RALYL: variants seen among roughly 807,000 people sequenced by gnomAD.
RALYL encodes RNA-binding Raly-like protein.
In RALYL, 29 loss-of-function variants were observed where a neutral mutation model predicts 35.1. The ratio of observed to expected loss-of-function variants is 0.83; its 90% confidence interval spans 0.61 to 1.13. RALYL has a LOEUF of 1.13. Among genes scored for constraint, RALYL ranks in the 50% most tolerant of loss-of-function variants. The pLI is 0.00. For missense variants in RALYL, 359 were observed against 360.4 expected (o/e 1.00, Z 0.03); for synonymous variants, 120 against 127.6 (o/e 0.94, Z 0.40).
chr8:84,600,356 T>A (rs896275539), intron 2 of RALYL, among the ~76,000 whole-genome samples: 2 of 152,116 alleles, frequency 1.3e-5, no homozygotes, highest in African/African-American at 4.8e-5. Flanking sequence ...GACAAATCAC[T>A]GATTGTGAGC....
At chr8:84,625,236 T>G (rs1329345986) in intron 2 of RALYL, among the ~76,000 whole-genome samples, 1 of 152,154 alleles carries the variant, frequency 6.6e-6, no homozygotes, top group Admixed American at 6.5e-5. Context: ...TGGGGCTAAT[T>G]GGGATGATGG....
intron 1 of RALYL, among the ~76,000 whole-genome samples, chr8:84,451,967 C>T (rs2049527017): frequency 6.6e-6 from 1 of 151,898 alleles, no homozygotes; most frequent in Non-Finnish European, 1.5e-5. Context: ...TAAAGGGCAG[C>T]CCTGATATTT....
chr8:84,784,877 A>T (rs771615284), intron 3 of RALYL, among the ~76,000 whole-genome samples: 1 of 152,214 alleles, frequency 6.6e-6, no homozygotes, highest in African/African-American at 2.4e-5. Flanking sequence ...TTAGAAGTTA[A>T]TTAACTGTTA....
chr8:84,902,600 A>G (rs754600475), intron 8 of RALYL, among the ~76,000 whole-genome samples: 8 of 152,074 alleles, frequency 5.3e-5, no homozygotes, highest in Non-Finnish European at 8.8e-5. Flanking sequence ...CCAAATAGAC[A>G]CTCTAAAAAT....
At chr8:84,797,760 G>A (rs1822286522) in intron 3 of RALYL, among the ~76,000 whole-genome samples, 1 of 152,194 alleles carries the variant, frequency 6.6e-6, no homozygotes, top group Admixed American at 6.5e-5. Context: ...ATCGACTTTA[G>A]TGGAGAATGT....
intron 2 of RALYL, among the ~76,000 whole-genome samples, chr8:84,588,681 C>T (rs1170582278): frequency 6.6e-6 from 1 of 152,078 alleles, no homozygotes; most frequent in African/African-American, 2.4e-5. Flanking sequence ...CTGGAAAAAC[C>T]AAAAGAAATA....
At chr8:84,841,565 A>C (rs1376858952) in intron 4 of RALYL, among the ~76,000 whole-genome samples, 1 of 152,216 alleles carries the variant, frequency 6.6e-6, no homozygotes, top group Non-Finnish European at 1.5e-5. Context: ...TCAACGAGAC[A>C]GAAAGTTAAC....
At chr8:84,690,088 C>T (rs7840925) in intron 2 of RALYL, among the ~76,000 whole-genome samples, 46,279 of 151,914 alleles carry the variant, frequency 0.3, 8,090 homozygotes, top group African/African-American at 0.48. Context: ...CTGTTCATTG[C>T]AGCATTATTC....
intron 2 of RALYL, among the ~76,000 whole-genome samples, chr8:84,597,449 C>T (rs1193414319): frequency 1.3e-5 from 2 of 152,082 alleles, no homozygotes; most frequent in East Asian, 1.9e-4. Flanking sequence ...GCTTTACTCC[C>T]AATATCCTTG....
intron 1 of RALYL, among the ~76,000 whole-genome samples, chr8:84,217,168 A>C (rs1202359329): frequency 6.6e-6 from 1 of 152,078 alleles, no homozygotes. Flanking sequence ...CTCTTTCAAA[A>C]CTGTGATCCA....
intron 1 of RALYL, among the ~76,000 whole-genome samples, chr8:84,364,893 T>A (rs1245507827): frequency 6.6e-6 from 1 of 152,146 alleles, no homozygotes. Context: ...AAGTTTACCT[T>A]CAATGAGGTA....
intron 3 of RALYL, among the ~76,000 whole-genome samples, chr8:84,791,359 A>G (rs1445609600): frequency 6.6e-6 from 1 of 152,004 alleles, no homozygotes; most frequent in East Asian, 1.9e-4. Flanking sequence ...TCTAGAGAAA[A>G]CTCACAAAAC....
intron 2 of RALYL, among the ~76,000 whole-genome samples, chr8:84,653,126 T>C (rs1441092789): frequency 1.3e-5 from 2 of 152,028 alleles, no homozygotes; most frequent in Admixed American, 1.3e-4. Flanking sequence ...ATATTAGAAA[T>C]TTATGCATGC....
At chr8:84,334,911 T>C (rs892505867) in intron 1 of RALYL, among the ~76,000 whole-genome samples, 1 of 152,168 alleles carries the variant, frequency 6.6e-6, no homozygotes, top group Non-Finnish European at 1.5e-5. Context: ...CTTATCCATC[T>C]CAAGCCTACT....
chr8:84,416,504 C>A (rs2044717620), intron 1 of RALYL, among the ~76,000 whole-genome samples: 1 of 151,980 alleles, frequency 6.6e-6, no homozygotes, highest in Non-Finnish European at 1.5e-5. Flanking sequence ...GGTGTTGGCA[C>A]TTTCAAGGAA....
chr8:84,504,619 G>A lies in RALYL; in HGVS notation c.-23-24680G>A, dbSNP rs370279826. 1.4e-4 allele frequency among the ~76,000 whole-genome samples: 21 copies of A among 152,138 alleles called. 2 individuals carry two copies. The South Asian group carries it at 3.9e-3, about 29-fold the overall frequency. ...ATCAAATAATATTTTATCTCTTATA[G>A]GAAAAAGGCAAGATTTAAAAAGAAT... On this transcript the variant is annotated intron_variant, in intron 1 of 8. Transcript: ENST00000521268.
At chr8:84,678,687 T>G (rs1326592051) in intron 2 of RALYL, 1 of 152,230 alleles carries the variant, frequency 6.6e-6, no homozygotes, top group Non-Finnish European at 1.5e-5. Context: ...GTCTCTTTAT[T>G]ACTTTCACAT....
intron 1 of RALYL, among the ~76,000 whole-genome samples, chr8:84,511,430 A>G (rs2057611968): frequency 6.6e-6 from 1 of 152,192 alleles, no homozygotes; most frequent in South Asian, 2.1e-4. Flanking sequence ...TTATTTATAC[A>G]TGGTAGTTGT....
At chr8:84,555,228 G>A (rs976041127) in intron 2 of RALYL, among the ~76,000 whole-genome samples, 4 of 152,094 alleles carry the variant, frequency 2.6e-5, no homozygotes, top group African/African-American at 4.8e-5. Flanking sequence ...GCAGTGAGCC[G>A]AGATCATGCC....
Sources: gnomAD v4.1 joint callset for allele counts (sites outside exome capture counted in the v4.1 genomes callset) on GRCh38, gnomAD v4.1.1 for gene constraint, MANE v1.5 for transcripts, NCBI Gene and HGNC (gene_info 2026-07-23, HGNC 2026-07-21) for gene names.